Variants in STS observed in about 807,000 individuals in gnomAD.
The protein encoded by STS is steroid sulfatase.
Under a neutral mutation model 26.8 loss-of-function variants are expected in STS, and 7 were observed. That is an observed-to-expected ratio of 0.26 (90% CI 0.15 to 0.49). The LOEUF is 0.49. STS is among the 20% of genes least tolerant of loss of function. The pLI is 0.98. For missense variants in STS, 434 were observed against 465.6 expected (o/e 0.93, Z 0.63); for synonymous variants, 199 against 189.4 (o/e 1.05, Z -0.42).
intron 7 of STS, among the ~76,000 whole-genome samples, chrX:7,285,447 A>G (rs1374566045): frequency 1.8e-5 from 2 of 112,131 alleles, no homozygotes; most frequent in Non-Finnish European, 3.8e-5. Flanking sequence ...TACTTCATGA[A>G]ATCTAAAATC....
chrX:7,232,228 G>A (rs1275153852), intron 2 of STS, among the ~76,000 whole-genome samples: 1 of 112,077 alleles, frequency 8.9e-6, no homozygotes, highest in African/African-American at 3.2e-5. Flanking sequence ...AAGCTCTGGG[G>A]GAAATGGAGT....
chrX:7,302,687 T>C (rs779689810), intron 7 of STS, among the ~76,000 whole-genome samples: 1 of 111,900 alleles, frequency 8.9e-6, no homozygotes, highest in East Asian at 2.8e-4. Context: ...GCATCAGAAA[T>C]CATCTCTGCC....
At chrX:7,204,958 A>G (rs1483897143) in intron 2 of STS, among the ~76,000 whole-genome samples, 1 of 109,602 alleles carries the variant, frequency 9.1e-6, no homozygotes, top group Non-Finnish European at 1.9e-5. Context: ...CCACTCTGAG[A>G]CCATGGATAG....
intron 1 of STS, among the ~76,000 whole-genome samples, chrX:7,162,993 G>A (rs1271079910): frequency 3.9e-5 from 4 of 103,132 alleles, no homozygotes; most frequent in African/African-American, 7.2e-5. Context: ...GGATGCAGAC[G>A]TTGCAGTGAG....
chrX:7,323,655 TA>T (rs1333557214), intron 8 of STS, among the ~76,000 whole-genome samples: 1 of 112,201 alleles, frequency 8.9e-6, no homozygotes, highest in Non-Finnish European at 1.9e-5. Context: ...TCATGTCTGC[TA>T]TTGTGAATAG....
At chrX:7,212,454 A>G (rs757291969) in intron 2 of STS, among the ~76,000 whole-genome samples, 5 of 111,785 alleles carry the variant, frequency 4.5e-5, no homozygotes, top group Non-Finnish European at 9.4e-5. Flanking sequence ...CCTGGGAGAC[A>G]CAGTGAGACT....
chrX:7,325,599 C>A, intron 9 of STS, 101 bp downstream of exon 9: 3 of 989,335 alleles, frequency 3.0e-6, no homozygotes, highest in Non-Finnish European at 4.3e-6. Flanking sequence ...AGGCCTTTGG[C>A]CCCCTGGAGT....
chrX:7,328,991 C>T (rs757874246), intron 9 of STS, among the ~76,000 whole-genome samples: 6 of 111,806 alleles, frequency 5.4e-5, no homozygotes, highest in Non-Finnish European at 3.8e-5. Context: ...CCACGACGCC[C>T]GGCCAGTTGA....
At chrX:7,345,298 T>TTATA (rs1928478029) in intron 10 of STS, among the ~76,000 whole-genome samples, 1 of 111,868 alleles carries the variant, frequency 8.9e-6, no homozygotes, top group East Asian at 2.8e-4. Context: ...TTTCCGGAGC[T>TTATA]TATATATCTT....
At chrX:7,345,715 A>T (rs773455285) in intron 10 of STS, among the ~76,000 whole-genome samples, 1 of 111,644 alleles carries the variant, frequency 9.0e-6, no homozygotes, top group East Asian at 2.8e-4. Context: ...TTCAGCTTTT[A>T]ATAGTAACTT....
intron 1 of STS, among the ~76,000 whole-genome samples, chrX:7,164,104 G>A (rs1418890460): frequency 1.8e-5 from 2 of 111,819 alleles, no homozygotes; most frequent in Admixed American, 9.5e-5. Context: ...GATTACAGGC[G>A]TCAGCTACTG....
intron 8 of STS, among the ~76,000 whole-genome samples, chrX:7,309,887 T>C (rs1290536299): frequency 2.7e-5 from 3 of 111,610 alleles, no homozygotes; most frequent in Non-Finnish European, 5.6e-5. Flanking sequence ...GAAATAAGGG[T>C]AGGGTCAAAT....
chrX:7,163,093 T>G (rs774822198), intron 1 of STS, among the ~76,000 whole-genome samples: 33 of 106,320 alleles, frequency 3.1e-4, no homozygotes, highest in Admixed American at 2.0e-3. Context: ...GAGACAGAGC[T>G]TACTTAGAGC....
At chrX:7,249,050 G>C (rs1465442429) in intron 2 of STS, among the ~76,000 whole-genome samples, 1 of 110,691 alleles carries the variant, frequency 9.0e-6, no homozygotes, top group East Asian at 2.8e-4. Flanking sequence ...ACCTAAGGTA[G>C]GAGCCCCACA....
At chrX:7,154,248 C>T (rs536656324) in intron 1 of STS, among the ~76,000 whole-genome samples, 3 of 112,194 alleles carry the variant, frequency 2.7e-5, no homozygotes, top group East Asian at 2.8e-4. Flanking sequence ...GTGCGCCTTG[C>T]GTCGTCTCTG....
At chrX:7,175,023 C>T (rs1933539021) in intron 1 of STS, among the ~76,000 whole-genome samples, 3 of 110,519 alleles carry the variant, frequency 2.7e-5, no homozygotes, top group African/African-American at 9.9e-5. Flanking sequence ...ATTGTCAAAC[C>T]CAGTCAATAC....
At chrX:7,206,847 G>C (rs970667347) in intron 2 of STS, among the ~76,000 whole-genome samples, 1 of 112,128 alleles carries the variant, frequency 8.9e-6, no homozygotes. Flanking sequence ...ACTTAGTTTT[G>C]GTTTGGCAGA....
intron 2 of STS, among the ~76,000 whole-genome samples, chrX:7,195,459 C>T (rs1459849735): frequency 8.9e-6 from 1 of 112,074 alleles, no homozygotes; most frequent in African/African-American, 3.2e-5. Context: ...AGTGCAAGAG[C>T]GACAAAGCCT....
At chrX:7,212,812 T>G (rs1439555356) in intron 2 of STS, among the ~76,000 whole-genome samples, 5 of 112,473 alleles carry the variant, frequency 4.4e-5, no homozygotes, top group African/African-American at 1.6e-4. Flanking sequence ...AATTAAATTT[T>G]ATGCTTGCTG....
Sources: allele counts gnomAD v4.1 joint callset (sites outside exome capture counted in the v4.1 genomes callset), GRCh38; gene constraint gnomAD v4.1.1; transcripts MANE v1.5; gene names NCBI Gene and HGNC (gene_info 2026-07-23, HGNC 2026-07-21).